ESRRG: variants seen among roughly 807,000 people sequenced by gnomAD.
The protein encoded by ESRRG is estrogen related receptor gamma.
Under a neutral mutation model 44.0 loss-of-function variants are expected in ESRRG, and 13 were observed. The observed-to-expected ratio is 0.30, with a 90% CI of 0.19 to 0.47. ESRRG has a LOEUF of 0.47. Ranked by LOEUF, ESRRG falls within the 20% of genes least tolerant of loss-of-function variation. The pLI, the probability that ESRRG is intolerant of heterozygous loss-of-function variation, is 1.00. For missense variants in ESRRG, 395 were observed against 580.6 expected (o/e 0.68, Z 3.29); for synonymous variants, 215 against 214.6 (o/e 1.00, Z -0.02).
At chr1:216,512,966 A>G (rs1185582330) in intron 6 of ESRRG, among the ~76,000 whole-genome samples, 2 of 152,152 alleles carry the variant, frequency 1.3e-5, no homozygotes, top group African/African-American at 2.4e-5. Flanking sequence ...CAGGAGCTGG[A>G]AAAGGTCATG....
chr1:216,870,568 T>A (rs1478952225), intron 2 of ESRRG, among the ~76,000 whole-genome samples: 2 of 151,978 alleles, frequency 1.3e-5, no homozygotes, highest in Non-Finnish European at 2.9e-5. Context: ...TGAAGGAAAT[T>A]TTTTGGAATT....
intron 2 of ESRRG, among the ~76,000 whole-genome samples, chr1:216,660,473 G>A (rs1378160271): frequency 6.6e-6 from 1 of 152,190 alleles, no homozygotes; most frequent in Non-Finnish European, 1.5e-5. Context: ...AAGCACTAGA[G>A]CCAGGATTTG....
chr1:216,914,993 G>A (rs546278191), intron 2 of ESRRG, among the ~76,000 whole-genome samples: 4 of 152,284 alleles, frequency 2.6e-5, no homozygotes, highest in Admixed American at 6.5e-5. Flanking sequence ...AATATAAGTT[G>A]AAGAAACTGG....
rs553617979 is a variant in ESRRG, at chr1:216,704,322, T to C, written c.56+18922A>G. Among the ~76,000 whole-genome samples, 11 of 152,314 alleles carry C rather than the reference T, an allele frequency of 7.2e-5. No homozygotes were observed. The South Asian group carries it at 2.3e-3, about 32-fold the overall frequency. On this transcript the variant is annotated intron_variant, in intron 1 of 6. Transcript: ENST00000408911. ...TGAGGTCAGGCGTTCAAGACCAGCCTGGCCAACATGGTGAAACCCTATCTC... is the reference window on the plus strand; with the variant it reads ...TGAGGTCAGGCGTTCAAGACCAGCCCGGCCAACATGGTGAAACCCTATCTC...
chr1:216,506,292 A>C lies in ESRRG; in HGVS notation c.*647T>G. On this transcript the variant is annotated 3_prime_UTR_variant, in exon 7 of 7. Transcript: ENST00000408911. ...GTTCTCTCTCTTTGATTCCTTAGTC[A>C]TTGGGGACAGTATGGTTCACAATAA... The C allele has an allele frequency of 5.0e-6, 1 of 200,688 alleles. No homozygotes were observed. Among genetic ancestry groups the C allele is most frequent in the Non-Finnish European group, 1.0e-5 (1 of 97,160 alleles). 12.4% of individuals were successfully genotyped at this position (200,688 alleles called of 1,614,324 possible).
chr1:216,950,598 C>G (rs10492959), intron 1 of ESRRG, among the ~76,000 whole-genome samples: 103,535 of 151,974 alleles, frequency 0.68, 37,592 homozygotes, highest in Middle Eastern at 0.83. Context: ...TTAATATCAA[C>G]CAGCTTCATA....
At position 216,756,669 on chromosome 1, in the gene ESRRG, G is replaced by A. The variant is rs550655984; in HGVS notation, c.-13-79178C>T. Reference sequence around the variant, plus strand: ...TAAGATTTCCAAAGCTACAGAACTTGCAAATATCTAAAGAGGCCAGTATTT... The same window carrying A: ...TAAGATTTCCAAAGCTACAGAACTTACAAATATCTAAAGAGGCCAGTATTT... On this transcript the variant is annotated intron_variant, in intron 2 of 7. Transcript: ENST00000359162. Among the ~76,000 whole-genome samples, 3 of 152,088 alleles carry A rather than the reference G, an allele frequency of 2.0e-5. No homozygotes were observed. In the South Asian group the frequency reaches 6.2e-4, roughly 32 times the overall value.
intron 1 of ESRRG, among the ~76,000 whole-genome samples, chr1:216,964,834 G>C (rs2069913815): frequency 6.6e-6 from 1 of 151,960 alleles, no homozygotes; most frequent in Non-Finnish European, 1.5e-5. Flanking sequence ...TTACATATTT[G>C]ATATAGAGCC....
intron 1 of ESRRG, among the ~76,000 whole-genome samples, chr1:217,064,500 G>A (rs2089274177): frequency 6.6e-6 from 1 of 152,030 alleles, no homozygotes; most frequent in Admixed American, 6.6e-5. Flanking sequence ...CCTACCAAAT[G>A]GACCCACAGA....
intron 2 of ESRRG, among the ~76,000 whole-genome samples, chr1:216,671,244 T>C (rs2075108677): frequency 6.6e-6 from 1 of 152,216 alleles, no homozygotes; most frequent in South Asian, 2.1e-4. Context: ...CCCATTCTTA[T>C]TCACAGGGAA....
chr1:216,954,135 T>C (rs1209995459), intron 1 of ESRRG, among the ~76,000 whole-genome samples: 2 of 152,178 alleles, frequency 1.3e-5, no homozygotes, highest in Non-Finnish European at 2.9e-5. Context: ...AGTTACATCA[T>C]ATCTCATCTC....
intron 2 of ESRRG, among the ~76,000 whole-genome samples, chr1:216,913,581 C>T (rs960189885): frequency 1.3e-5 from 2 of 152,214 alleles, no homozygotes; most frequent in Non-Finnish European, 2.9e-5. Context: ...AGACGTGGGT[C>T]CAAGCGTGAG....
chr1:216,991,862 C>T (rs1293572017), intron 1 of ESRRG, among the ~76,000 whole-genome samples: 4 of 152,108 alleles, frequency 2.6e-5, no homozygotes, highest in Admixed American at 1.3e-4. Flanking sequence ...AATTTCCAGG[C>T]GTGTTTTATT....
chr1:216,844,105 G>T (rs1343620780), intron 2 of ESRRG, among the ~76,000 whole-genome samples: 2 of 151,996 alleles, frequency 1.3e-5, no homozygotes, highest in Non-Finnish European at 2.9e-5. Flanking sequence ...AAAAGGAGAG[G>T]AAGAAGGCTC....
At chr1:216,659,075 T>C (rs2071553784) in intron 2 of ESRRG, among the ~76,000 whole-genome samples, 1 of 152,146 alleles carries the variant, frequency 6.6e-6, no homozygotes. Flanking sequence ...TATAACTTTG[T>C]AAGAATTATG....
At chr1:216,803,403 C>T (rs1012168963) in intron 2 of ESRRG, among the ~76,000 whole-genome samples, 8 of 152,248 alleles carry the variant, frequency 5.3e-5, no homozygotes, top group African/African-American at 1.9e-4. Flanking sequence ...GTGTCCCCCG[C>T]CCCATCACCA....
At chr1:216,964,132 T>C (rs2069731834) in intron 1 of ESRRG, among the ~76,000 whole-genome samples, 1 of 151,998 alleles carries the variant, frequency 6.6e-6, no homozygotes, top group Non-Finnish European at 1.5e-5. Context: ...TGGAGTGAGA[T>C]GAGGTGCAAG....
At chr1:216,699,915 T>C (rs148590299) in intron 1 of ESRRG, among the ~76,000 whole-genome samples, 2 of 152,290 alleles carry the variant, frequency 1.3e-5, no homozygotes, top group African/African-American at 4.8e-5. Flanking sequence ...TCCTTTGAGG[T>C]TTAAAGGAAT....
intron 1 of ESRRG, among the ~76,000 whole-genome samples, chr1:216,698,104 T>C (rs1362542307): frequency 2.0e-5 from 3 of 152,178 alleles, no homozygotes; most frequent in African/African-American, 4.8e-5. Context: ...ATATTTATTG[T>C]TCTTATCCAA....
Sources: allele counts gnomAD v4.1 joint callset (sites outside exome capture counted in the v4.1 genomes callset), GRCh38; gene constraint gnomAD v4.1.1; transcripts MANE v1.5; gene names NCBI Gene and HGNC (gene_info 2026-07-23, HGNC 2026-07-21).